The following EPB41L2 variants were observed in gnomAD, a reference collection of about 807,000 sequenced individuals.
The protein encoded by EPB41L2 is erythrocyte membrane protein band 4.1 like 2.
A neutral mutation model predicts 113.0 loss-of-function variants in EPB41L2; 43 were observed. That is an observed-to-expected ratio of 0.38 (90% CI 0.30 to 0.49). The LOEUF is 0.49. Among genes scored for constraint, EPB41L2 ranks in the 20% least tolerant of loss-of-function variants. The pLI, the probability that EPB41L2 is intolerant of heterozygous loss-of-function variation, is 0.95. For missense variants in EPB41L2, 1,147 were observed against 1,223.4 expected (o/e 0.94, Z 0.93); for synonymous variants, 442 against 436.7 (o/e 1.01, Z -0.15).
At chr6:130,871,722 C>CA (rs752919570) in intron 14 of EPB41L2, among the ~76,000 whole-genome samples, 2 of 152,208 alleles carry the variant, frequency 1.3e-5, no homozygotes, top group Non-Finnish European at 2.9e-5. Context: ...ATTGAAAACT[C>CA]AGAGGTTTCT....
chr6:130,964,837 AG>A (rs1369288066), intron 1 of EPB41L2, among the ~76,000 whole-genome samples: 1 of 152,158 alleles, frequency 6.6e-6, no homozygotes, highest in Non-Finnish European at 1.5e-5. Context: ...AGGTAAAAAG[AG>A]GATAGATGGG....
At chr6:130,940,846 T>A (rs1197936506) in intron 3 of EPB41L2, among the ~76,000 whole-genome samples, 1 of 152,186 alleles carries the variant, frequency 6.6e-6, no homozygotes, top group Non-Finnish European at 1.5e-5. Flanking sequence ...TATAGTAACT[T>A]GGCACTTCTG....
intron 1 of EPB41L2, among the ~76,000 whole-genome samples, chr6:131,029,388 G>GTTT (rs138241613): frequency 1.5e-4 from 15 of 97,624 alleles, no homozygotes; most frequent in African/African-American, 6.3e-4. Flanking sequence ...TTCAGCATTT[G>GTTT]TTTAAAAAAA....
At chr6:130,917,149 C>T (rs1801379324) in intron 4 of EPB41L2, among the ~76,000 whole-genome samples, 1 of 152,216 alleles carries the variant, frequency 6.6e-6, no homozygotes, top group Admixed American at 6.5e-5. Flanking sequence ...CAGTCATCAA[C>T]TGGCATTAGT....
chr6:130,850,064 C>T (rs184780163), intron 19 of EPB41L2, among the ~76,000 whole-genome samples: 1 of 152,100 alleles, frequency 6.6e-6, no homozygotes, highest in African/African-American at 2.4e-5. Context: ...ATAGGGAAAC[C>T]CCGTCTCTAC....
rs66505919 is a variant in EPB41L2 at position 130,937,821 on chromosome 6, G to GA, written c.706-11113dup. On this transcript the variant is annotated intron_variant, in intron 3 of 19. Coordinates refer to ENST00000337057, the MANE Select transcript of EPB41L2 (RefSeq NM_001431.4). ...ACAGAGTGAGACTCCATCTCAAAAA[G>GA]AAAAAAAAAAAAAAGATTAACACAG... Among the ~76,000 whole-genome samples the GA allele has an allele frequency of 6.9e-4, 90 of 129,830 alleles. 2 individuals are homozygous for GA. Among genetic ancestry groups the GA allele is most frequent in the African/African-American group, 1.9e-3 (57 of 29,602 alleles). The allele number at this position is 129,830 out of a possible 152,430, so 85.2% of individuals were successfully genotyped here.
At position 130,866,952 on chromosome 6, in the gene EPB41L2, AGG is replaced by A. The variant is rs1301064252; in HGVS notation, c.2730+505_2730+506del. On this transcript the variant is annotated intron_variant, in intron 16 of 19. Coordinates refer to ENST00000337057, the MANE Select transcript of EPB41L2 (RefSeq NM_001431.4). ...ATAATTCCACACGAAGGAGAAGCAC[AGG>A]TGTGTGTGCCTGTGTGTGTTTGTGT... Among the ~76,000 whole-genome samples the A allele has an allele frequency of 2.0e-5, 3 of 152,126 alleles. No individual in the cohort carries two copies. In the East Asian group the frequency reaches 5.8e-4, roughly 29 times the overall value.
intron 1 of EPB41L2, among the ~76,000 whole-genome samples, chr6:131,033,736 A>G (rs771190952): frequency 2.2e-4 from 34 of 152,230 alleles, no homozygotes; most frequent in Non-Finnish European, 4.0e-4. Context: ...AGAATAGGCA[A>G]ATTCATATAA....
chr6:130,941,386 T>A (rs1810839182), intron 3 of EPB41L2, among the ~76,000 whole-genome samples: 1 of 152,210 alleles, frequency 6.6e-6, no homozygotes, highest in Non-Finnish European at 1.5e-5. Flanking sequence ...GAGGCTAGTA[T>A]CGAACTTCTA....
chr6:130,979,306 CA>C (rs1397760006), intron 1 of EPB41L2, among the ~76,000 whole-genome samples: 1 of 151,522 alleles, frequency 6.6e-6, no homozygotes, highest in African/African-American at 2.4e-5. Context: ...GCCAACATAG[CA>C]AAACCCCATC....
chr6:130,842,019 T>C (rs769980257), intron 19 of EPB41L2, among the ~76,000 whole-genome samples: 1 of 152,218 alleles, frequency 6.6e-6, no homozygotes, highest in Non-Finnish European at 1.5e-5. Flanking sequence ...TGGCAAATGA[T>C]AGGTAATCAC....
rs150726872 is a variant in EPB41L2 at position 130,930,248 on chromosome 6, A to C, written c.706-3539T>G. 3.9e-5 allele frequency among the ~76,000 whole-genome samples: 6 copies of C among 152,314 alleles called. No individual in the cohort carries two copies. In the East Asian group the frequency reaches 1.2e-3, roughly 29 times the overall value. On this transcript the variant is annotated intron_variant, in intron 3 of 19. Coordinates refer to ENST00000337057, the MANE Select transcript of EPB41L2 (RefSeq NM_001431.4). ...AAAAGAGCCCACTATTTTTTAATAC[A>C]ACATTTACTAATGTATTCTACAACA...
At chr6:130,928,377 T>C (rs1277655334) in intron 3 of EPB41L2, among the ~76,000 whole-genome samples, 3 of 152,204 alleles carry the variant, frequency 2.0e-5, no homozygotes, top group Non-Finnish European at 4.4e-5. Flanking sequence ...AATCTGCTCA[T>C]CTGTGAAATG....
rs754794844 is a variant in EPB41L2, at chr6:130,894,389, G to A, written c.1442C>T (p.Ala481Val). The change falls in exon 10 of 20, where the codon GCG (alanine) becomes GTG (valine). Residue 481 changes from alanine to valine, a missense_variant. Coordinates refer to ENST00000337057, the MANE Select transcript of EPB41L2 (RefSeq NM_001431.4). ...IGFKLPNHRA[A>V]KRLWKVCVEH... ...CACGCACACTTTCCATAGTCTTTTC[G>A]CTGCCCGGTGGTTTGGCAGTTTGAA... 9.3e-6 allele frequency: 15 copies of A among 1,613,628 alleles called. No individual in the cohort carries two copies. The highest frequency in any genetic ancestry group is 4.4e-5 in the South Asian group (4 of 91,062).
At chr6:130,910,720 AAT>A (rs1238649000) in intron 4 of EPB41L2, among the ~76,000 whole-genome samples, 1 of 152,274 alleles carries the variant, frequency 6.6e-6, no homozygotes, top group African/African-American at 2.4e-5. Flanking sequence ...GAAGGATATG[AAT>A]AGACACTTCT....
chr6:130,941,720 C>A (rs1243668005), intron 3 of EPB41L2, among the ~76,000 whole-genome samples: 1 of 152,184 alleles, frequency 6.6e-6, no homozygotes, highest in Non-Finnish European at 1.5e-5. Flanking sequence ...AATAACCAGA[C>A]TGATGCACAA....
chr6:131,041,700 C>T (rs754706721), intron 1 of EPB41L2, among the ~76,000 whole-genome samples: 8 of 151,746 alleles, frequency 5.3e-5, no homozygotes, highest in Non-Finnish European at 1.2e-4. Context: ...AATAGAGTTT[C>T]AACAAATCAA....
chr6:130,901,308 G>A, intron 6 of EPB41L2, 128 bp from the exon 7 acceptor site: 1 of 721,676 alleles, frequency 1.4e-6, no homozygotes, highest in Admixed American at 2.9e-5. Context: ...CATATAAACA[G>A]CAAAAATCAT....
intron 1 of EPB41L2, among the ~76,000 whole-genome samples, chr6:130,959,278 A>C (rs1040234150): frequency 6.6e-6 from 1 of 152,166 alleles, no homozygotes; most frequent in African/African-American, 2.4e-5. Context: ...GGTTGTGGAG[A>C]TGTCTAGATG....
Sources: allele counts gnomAD v4.1 joint callset (sites outside exome capture counted in the v4.1 genomes callset), GRCh38; gene constraint gnomAD v4.1.1; transcripts MANE v1.5; gene names NCBI Gene and HGNC (gene_info 2026-07-23, HGNC 2026-07-21).